Variants in STK39 observed in about 807,000 individuals in gnomAD.
STK39 encodes STE20/SPS1-related proline-alanine-rich protein kinase.
STK39 carries 20 observed loss-of-function variants against 77.8 expected under a neutral mutation model. The observed-to-expected ratio is 0.26, with a 90% confidence interval of 0.18 to 0.37. The LOEUF is 0.37. Among genes scored for constraint, STK39 ranks in the 10% least tolerant of loss-of-function variants. The pLI, the probability that STK39 is intolerant of heterozygous loss-of-function variation, is 1.00. For synonymous variants in STK39, 246 were observed against 234.1 expected, an observed-to-expected ratio of 1.05 and a Z score of -0.47; for missense variants, 479 against 656.5, an observed-to-expected ratio of 0.73 and a Z score of 2.95.
At chr2:168,131,235 A>G (rs1414503321) in intron 8 of STK39, among the ~76,000 whole-genome samples, 1 of 152,258 alleles carries the variant, frequency 6.6e-6, no homozygotes, top group African/African-American at 2.4e-5. Context: ...GTATAGAAGT[A>G]AACAATGCAC....
rs575337040 is a variant in STK39, at chr2:168,150,710, T to C, written c.629-9952A>G. Among the ~76,000 whole-genome samples, 494 of 151,922 alleles carry C rather than the reference T, an allele frequency of 3.3e-3. 2 individuals are homozygous for C. Among genetic ancestry groups the C allele is most frequent in the African/African-American group, 0.011 (450 of 41,466 alleles). On this transcript the variant is annotated intron_variant, in intron 5 of 17. Coordinates refer to ENST00000355999, the MANE Select transcript of STK39 (RefSeq NM_013233.3). ...AGCAATGGCAATAACCACATTACCT[T>C]TGCACCAACCTGATATCATATTATT...
At chr2:168,035,816 G>C (rs1217709256) in intron 14 of STK39, among the ~76,000 whole-genome samples, 1 of 152,132 alleles carries the variant, frequency 6.6e-6, no homozygotes, top group Admixed American at 6.6e-5. Flanking sequence ...CTTAGCTGTT[G>C]AAATCATGAA....
intron 14 of STK39, among the ~76,000 whole-genome samples, chr2:168,020,028 G>T (rs902813619): frequency 6.6e-6 from 1 of 152,068 alleles, no homozygotes; most frequent in Non-Finnish European, 1.5e-5. Context: ...AACTACCAAC[G>T]TCACCACTGC....
chr2:167,985,716 CATTACT>C (rs967415506), intron 16 of STK39, among the ~76,000 whole-genome samples: 20 of 152,276 alleles, frequency 1.3e-4, no homozygotes, highest in African/African-American at 3.4e-4. Flanking sequence ...TCAACATATG[CATTACT>C]ATTACTAATA....
At chr2:168,078,837 A>AT (rs1574446797) in intron 10 of STK39, among the ~76,000 whole-genome samples, 1 of 151,248 alleles carries the variant, frequency 6.6e-6, no homozygotes, top group East Asian at 2.0e-4. Flanking sequence ...CCTTGGAGTG[A>AT]TTTTTACCCC....
chr2:168,005,885 G>A (rs140281741), intron 16 of STK39, among the ~76,000 whole-genome samples: 2 of 152,258 alleles, frequency 1.3e-5, no homozygotes, highest in Non-Finnish European at 2.9e-5. Context: ...GCATCTCATG[G>A]GGGCATGAAC....
chr2:167,998,503 G>A (rs569535460), intron 16 of STK39, among the ~76,000 whole-genome samples: 79 of 152,270 alleles, frequency 5.2e-4, no homozygotes, highest in Non-Finnish European at 1.0e-3. Context: ...GTGAGAATAA[G>A]GCAATATTAT....
In STK39 at chr2:168,247,303, G is replaced by A; in HGVS notation, c.133C>T (p.Pro45Ser). 1 of 1,035,982 alleles carries A rather than the reference G, an allele frequency of 9.7e-7. No individual in the cohort carries two copies. The highest frequency in any genetic ancestry group is 5.6e-5 in the Admixed American group (1 of 17,748). 64.2% of individuals were successfully genotyped at this position (1,035,982 alleles called of 1,614,324 possible). ...GCCTGTGCCGCCGGGGCCGGGGCCGGGGCCGGGGCCGCGGGAGCTGCCGGG... is the reference window on the plus strand; with the variant it reads ...GCCTGTGCCGCCGGGGCCGGGGCCGAGGCCGGGGCCGCGGGAGCTGCCGGG... ...PAPAAPAAPA[P>S]APAPAAQAVG... Residue 45 changes from proline (P) to serine (S), a missense_variant, in exon 1 of 18, where the codon CCG becomes TCG. Physicochemically the swap from Pro to Ser is moderately conservative, Grantham distance 74. Around this residue, in one of 3 missense-constraint regions of STK39, gnomAD observed 96 missense variants for 79.1 expected, o/e 1.21. Transcript: ENST00000355999.
intron 8 of STK39, among the ~76,000 whole-genome samples, chr2:168,134,674 G>A (rs1165399643): frequency 1.3e-5 from 2 of 152,088 alleles, no homozygotes; most frequent in Admixed American, 6.5e-5. Context: ...AGACTCAGAC[G>A]AACCAAAGGT....
At chr2:168,244,035 T>C (rs1167271633) in intron 1 of STK39, among the ~76,000 whole-genome samples, 1 of 152,142 alleles carries the variant, frequency 6.6e-6, no homozygotes, top group Non-Finnish European at 1.5e-5. Flanking sequence ...AGGATATCAA[T>C]GTCTGGAAGA....
At chr2:168,131,070 T>G (rs906408280) in intron 8 of STK39, among the ~76,000 whole-genome samples, 1 of 152,210 alleles carries the variant, frequency 6.6e-6, no homozygotes, top group Admixed American at 6.5e-5. Context: ...TTCATTTTCT[T>G]AGGTGTGGAA....
chr2:168,168,515 A>G (rs2105599769), intron 2 of STK39, among the ~76,000 whole-genome samples: 1 of 152,338 alleles, frequency 6.6e-6, no homozygotes, highest in Admixed American at 6.5e-5. Context: ...AATATATTCA[A>G]TAATAATGAG....
intron 1 of STK39, among the ~76,000 whole-genome samples, chr2:168,245,647 CGGAAGACAGCGGTGTATTCA>C (rs1690878307): frequency 6.6e-6 from 1 of 152,098 alleles, no homozygotes; most frequent in Non-Finnish European, 1.5e-5. Flanking sequence ...ACCAGATGTG[CGGAAGACAGCGGTGTATTCA>C]GGAAGCAATC....
intron 17 of STK39, among the ~76,000 whole-genome samples, chr2:167,959,631 C>T (rs1343162415): frequency 2.6e-5 from 4 of 152,164 alleles, no homozygotes; most frequent in African/African-American, 7.2e-5. Context: ...AATGTACACC[C>T]GTATAATGAA....
intron 5 of STK39, among the ~76,000 whole-genome samples, chr2:168,146,225 T>C (rs1413802050): frequency 6.6e-6 from 1 of 152,198 alleles, no homozygotes; most frequent in Non-Finnish European, 1.5e-5. Flanking sequence ...GTGAGAACTG[T>C]TTAGGGGCTT....
chr2:167,955,027 A>G lies in STK39; in HGVS notation c.*469T>C, dbSNP rs1691726902. 6.5e-6 allele frequency: 1 copy of G among 152,848 alleles called. No homozygotes were observed. Among genetic ancestry groups the G allele is most frequent in the South Asian group, 2.1e-4 (1 of 4,844 alleles). 9.5% of individuals were successfully genotyped at this position (152,848 alleles called of 1,614,324 possible). A position where few individuals can be genotyped will look rare whatever the true frequency, so the allele number is the denominator to read the frequency against. ...TAATTTTATAAGTATATTAATTTCT[A>G]AATACAACATAAAAGAGGCAGTATT... On this transcript the variant is annotated 3_prime_UTR_variant, in exon 18 of 18. Transcript: ENST00000355999.
At chr2:168,207,391 A>T (rs562607598) in intron 1 of STK39, among the ~76,000 whole-genome samples, 1 of 152,320 alleles carries the variant, frequency 6.6e-6, no homozygotes, top group Admixed American at 6.5e-5. Context: ...TGCTTTATAA[A>T]TATACGATAG....
chr2:167,966,557 G>C (rs1692164931), intron 16 of STK39, among the ~76,000 whole-genome samples: 1 of 152,066 alleles, frequency 6.6e-6, no homozygotes, highest in Non-Finnish European at 1.5e-5. Context: ...GCTCTCTAAT[G>C]TTCAGTCAAA....
At position 168,069,690 on chromosome 2, in the gene STK39, C is replaced by T. The variant is rs62196569; in HGVS notation, c.1243-4309G>A. Among the ~76,000 whole-genome samples, 370 of 152,338 alleles carry T rather than the reference C, an allele frequency of 2.4e-3. 2 individuals are homozygous for T. The highest frequency in any genetic ancestry group is 3.8e-3 in the Admixed American group (58 of 15,310). On this transcript the variant is annotated intron_variant, in intron 12 of 17. Transcript: ENST00000355999. Reference sequence around the variant, plus strand: ...ATTTGTGCAGTTTTCCTAGCCAGTCCTTGATCCTAGCTGTGAATCAGAATC... The same window carrying T: ...ATTTGTGCAGTTTTCCTAGCCAGTCTTTGATCCTAGCTGTGAATCAGAATC...
Sources: allele counts gnomAD v4.1 joint callset (sites outside exome capture counted in the v4.1 genomes callset), GRCh38; gene constraint gnomAD v4.1.1; regional missense constraint gnomAD v4.1.1; transcripts MANE v1.5; gene names NCBI Gene and HGNC (gene_info 2026-07-23, HGNC 2026-07-21).